The following DST variants were observed in gnomAD, a reference collection of about 807,000 sequenced individuals.
The protein encoded by DST is dystonin, also known as bullous pemphigoid antigen.
A neutral mutation model predicts 875.2 loss-of-function variants in DST; 253 were observed. The observed-to-expected ratio is 0.29, with a 90% CI of 0.26 to 0.32. The LOEUF (loss-of-function observed/expected upper bound fraction) is 0.32. Ranked by LOEUF, DST falls within the 10% of genes least tolerant of loss-of-function variation. The probability of loss-of-function intolerance (pLI) is 1.00; values close to 1 mark genes in which losing one functional copy is unlikely to be tolerated. For synonymous variants in DST, 3,124 were observed against 3,197.1 expected, an observed-to-expected ratio of 0.98 and a Z score of 0.77; for missense variants, 8,287 against 9,111.6, an observed-to-expected ratio of 0.91 and a Z score of 3.68.
chr6:56,847,071 C>G (rs1445779272), intron 4 of DST, among the ~76,000 whole-genome samples: 1 of 149,080 alleles, frequency 6.7e-6, no homozygotes, highest in Non-Finnish European at 1.5e-5. Flanking sequence ...AATCCCAACA[C>G]TTTGGGAGGC....
rs146474742 is a variant in DST at position 56,760,400 on chromosome 6, T to C, written c.626-25111A>G. Among the ~76,000 whole-genome samples the C allele has an allele frequency of 8.8e-3, 1,335 of 152,330 alleles. 15 individuals carry two copies. The highest frequency in any genetic ancestry group is 0.03 in the African/African-American group (1,229 of 41,570). On this transcript the variant is annotated intron_variant, in intron 4 of 103. Transcript: ENST00000680361. ...TTTATTTTTTGTATGTCTCTCCATG[T>C]GTATCAGCCACTAAACCCCAGTAAG...
chr6:56,506,530 C>A lies in DST; in HGVS notation c.19377G>T (p.Trp6459Cys), dbSNP rs1562433749. Residue 6459 changes from tryptophan to cysteine, a missense_variant, in exon 77 of 104, where the codon TGG (tryptophan) becomes TGT (cysteine). Physicochemically the swap from Trp to Cys is radical, Grantham distance 215 (BLOSUM62 -2). Around this residue, in one of 10 missense-constraint regions of DST, gnomAD observed 1,292 missense variants for 1,552.7 expected, o/e 0.83. Transcript: ENST00000680361. ...CTTTCCAAGCTTTATTTAGAGAATC[C>A]CATGCTGAATTTAACTACAAGATGT... is the stretch of plus-strand genomic sequence containing the variant. ...KKSIDELNSA[W>C]DSLNKAWKDR... is the part of the protein sequence containing the mutation. 1.2e-6 allele frequency: 2 copies of A among 1,612,708 alleles called. No individual in the cohort carries two copies. The highest frequency in any genetic ancestry group is 1.7e-6 in the Non-Finnish European group (2 of 1,179,300).
intron 9 of DST, among the ~76,000 whole-genome samples, chr6:56,675,641 C>G (rs2099124549): frequency 6.6e-6 from 1 of 152,166 alleles, no homozygotes; most frequent in South Asian, 2.1e-4. Flanking sequence ...ATCATGAGGT[C>G]AGGAGATCGA....
chr6:56,827,332 G>A (rs916081333), intron 4 of DST, among the ~76,000 whole-genome samples: 1 of 151,962 alleles, frequency 6.6e-6, no homozygotes, highest in Non-Finnish European at 1.5e-5. Context: ...TGACCAACAT[G>A]GTGAAACCCC....
chr6:56,504,022 A>G lies in DST; in HGVS notation c.19541T>C (p.Val6514Ala). 1 of 1,608,766 alleles carries G rather than the reference A, an allele frequency of 6.2e-7. No individual in the cohort carries two copies. The part of the protein sequence containing the change: ...MSPIGTDLET[V>A]KQQIEELKQF... ...CTTTAGCTCTTCAATCTGCTGCTTGACAGTTTCGAGATCTGTTCCAATTGG... is the reference window on the plus strand; with the variant it reads ...CTTTAGCTCTTCAATCTGCTGCTTGGCAGTTTCGAGATCTGTTCCAATTGG... Residue 6514 changes from valine (V) to alanine (A), a missense_variant, in exon 78 of 104, where the codon GTC becomes GCC. Physicochemically the swap from Val to Ala is moderately conservative, Grantham distance 64 (BLOSUM62 0). Coordinates refer to ENST00000680361, the MANE Select transcript of DST (RefSeq NM_001374736.1).
chr6:56,670,955 A>G lies in DST; in HGVS notation c.1048-148T>C, dbSNP rs539023756. Reference sequence around the variant, plus strand: ...GAGATTGTTAAGAGATTTGAATGAGATAACATGTGTACAGCACTTAAGAGA... The same window carrying G: ...GAGATTGTTAAGAGATTTGAATGAGGTAACATGTGTACAGCACTTAAGAGA... On this transcript the variant is annotated intron_variant, in intron 9 of 103. Transcript: ENST00000680361. 878 of 512,180 alleles carry G rather than the reference A, an allele frequency of 1.7e-3. 10 individuals carry two copies. Among genetic ancestry groups the G allele is most frequent in the South Asian group, 0.017 (460 of 27,416 alleles). The allele number at this position is 512,180 out of a possible 1,614,324, so 31.7% of individuals were successfully genotyped here.
At chr6:56,865,436 T>C (rs1393205327) in intron 3 of DST, among the ~76,000 whole-genome samples, 1 of 152,102 alleles carries the variant, frequency 6.6e-6, no homozygotes, top group East Asian at 1.9e-4. Context: ...CCTTCCAGGC[T>C]CAAGCACTCC....
At chr6:56,566,726 A>G (rs773361038) in intron 55 of DST, among the ~76,000 whole-genome samples, 8 of 152,226 alleles carry the variant, frequency 5.3e-5, no homozygotes, top group Non-Finnish European at 1.0e-4. Context: ...TGCTCAGTAT[A>G]TAAGTGTGTT....
chr6:56,573,103 G>C, intron 51 of DST, 39 bp from the exon 52 acceptor site: 1 of 1,443,020 alleles, frequency 6.9e-7, no homozygotes, highest in South Asian at 1.5e-5. Flanking sequence ...TTATTATGAT[G>C]CTTATAAATA....
rs73749934 is a variant in DST at position 56,495,802 on chromosome 6, C to T, written c.20223+1577G>A. Among the ~76,000 whole-genome samples the T allele has an allele frequency of 3.3e-3, 495 of 152,008 alleles. 4 individuals carry two copies. Among genetic ancestry groups the T allele is most frequent in the African/African-American group, 0.012 (479 of 41,504 alleles). On this transcript the variant is annotated intron_variant, in intron 82 of 103. Transcript: ENST00000680361. ...TAAAGATTTCTAGAAAATTCTACAC[C>T]GAATTAGTAGGACTTACTTAAACTA...
chr6:56,883,796 C>A (rs1421870761), intron 3 of DST, among the ~76,000 whole-genome samples: 3 of 151,892 alleles, frequency 2.0e-5, no homozygotes, highest in Non-Finnish European at 2.9e-5. Flanking sequence ...GATTTTAAAG[C>A]CAATATGAGG....
intron 2 of DST, among the ~76,000 whole-genome samples, chr6:56,908,238 T>TA (rs1797320621): frequency 6.6e-6 from 1 of 152,106 alleles, no homozygotes; most frequent in Non-Finnish European, 1.5e-5. Context: ...AATGCTCCAT[T>TA]AAAAAATCAA....
At chr6:56,920,492 G>C (rs1803527218) in intron 2 of DST, among the ~76,000 whole-genome samples, 1 of 152,090 alleles carries the variant, frequency 6.6e-6, no homozygotes, top group Non-Finnish European at 1.5e-5. Flanking sequence ...ATTACAAAAA[G>C]AAAAGAATAA....
At chr6:56,738,840 C>T (rs1395855540) in intron 4 of DST, among the ~76,000 whole-genome samples, 2 of 151,314 alleles carry the variant, frequency 1.3e-5, no homozygotes, top group Non-Finnish European at 2.9e-5. Flanking sequence ...CCAGGCTGGT[C>T]TTGAACACCT....
rs182153381 is a variant in DST at position 56,809,741 on chromosome 6, C to T, written c.625+41656G>A. Among the ~76,000 whole-genome samples, 90 of 152,206 alleles carry T rather than the reference C, an allele frequency of 5.9e-4. No individual in the cohort carries two copies. In the Middle Eastern group the frequency reaches 0.014, roughly 23 times the overall value. On this transcript the variant is annotated intron_variant, in intron 4 of 103. Coordinates refer to ENST00000680361, the MANE Select transcript of DST (RefSeq NM_001374736.1). ...ACTCAATAAAGCTTAATTATGTTTA[C>T]CACCTTGAACTAGAACAAGAAAAGA...
At chr6:56,733,385 T>C (rs2099509999) in intron 5 of DST, among the ~76,000 whole-genome samples, 1 of 152,180 alleles carries the variant, frequency 6.6e-6, no homozygotes, top group Non-Finnish European at 1.5e-5. Flanking sequence ...AAAAGCAACT[T>C]ACACTTAACT....
chr6:56,897,355 G>T (rs60975519), intron 3 of DST, among the ~76,000 whole-genome samples: 1 of 149,982 alleles, frequency 6.7e-6, no homozygotes, highest in Non-Finnish European at 1.5e-5. Flanking sequence ...TTTTTGAGAC[G>T]TAGTCTCACT....
chr6:56,887,151 G>A (rs1383418476), intron 3 of DST, among the ~76,000 whole-genome samples: 1 of 152,198 alleles, frequency 6.6e-6, no homozygotes, highest in East Asian at 1.9e-4. Context: ...GTAGGAGATT[G>A]TATCACTAAA....
chr6:56,617,338 T>C lies in DST; in HGVS notation c.4930-2854A>G. 1 of 1,614,070 alleles carries C rather than the reference T, an allele frequency of 6.2e-7. No individual in the cohort carries two copies. The highest frequency in any genetic ancestry group is 8.5e-7 in the Non-Finnish European group (1 of 1,180,008). On this transcript the variant is annotated intron_variant, in intron 36 of 103. Transcript: ENST00000680361. ...CTCTGCACCCTTCAAGCATCCATTCTTCAGCACTGGGAACTGGGTTCTTTT... is the reference window on the plus strand; with the variant it reads ...CTCTGCACCCTTCAAGCATCCATTCCTCAGCACTGGGAACTGGGTTCTTTT...
Sources: allele counts gnomAD v4.1 joint callset (sites outside exome capture counted in the v4.1 genomes callset), GRCh38; gene constraint gnomAD v4.1.1; regional missense constraint gnomAD v4.1.1; transcripts MANE v1.5; gene names NCBI Gene and HGNC (gene_info 2026-07-23, HGNC 2026-07-21).